IL1RAPL2: variants seen among roughly 807,000 people sequenced by gnomAD.
IL1RAPL2 encodes X-linked interleukin-1 receptor accessory protein-like 2.
A neutral mutation model predicts 44.1 loss-of-function variants in IL1RAPL2; 3 were observed. That is an observed-to-expected ratio of 0.07 (90% confidence interval 0.03 to 0.18). IL1RAPL2 has a LOEUF of 0.18. Among genes scored for constraint, IL1RAPL2 ranks in the 10% least tolerant of loss-of-function variants. The pLI, the probability that IL1RAPL2 is intolerant of heterozygous loss-of-function variation, is 1.00. For synonymous variants in IL1RAPL2, 181 were observed against 178.8 expected (o/e 1.01, Z -0.10); for missense variants, 391 against 496.4 (o/e 0.79, Z 2.02).
intron 2 of IL1RAPL2, among the ~76,000 whole-genome samples, chrX:105,158,252 G>A (rs1044149733): frequency 2.1e-4 from 23 of 111,713 alleles, no homozygotes; most frequent in African/African-American, 6.2e-4. Context: ...AGCTACTCAG[G>A]AGGCTAAGGC....
At chrX:104,610,931 T>C (rs1435030510) in intron 1 of IL1RAPL2, among the ~76,000 whole-genome samples, 2 of 111,715 alleles carry the variant, frequency 1.8e-5, no homozygotes, top group East Asian at 5.7e-4. Flanking sequence ...GCAGGTCTGT[T>C]GGAGTTTGCT....
chrX:104,704,431 C>T (rs2145182), intron 2 of IL1RAPL2, among the ~76,000 whole-genome samples: 37,108 of 110,040 alleles, frequency 0.34, 5,439 homozygotes, highest in East Asian at 0.46. Flanking sequence ...GACAGTGTTA[C>T]GAATGAATAA....
At position 104,731,358 on chromosome X, in the gene IL1RAPL2, C is replaced by T. The variant is rs930348117; in HGVS notation, c.82+72363C>T. ...AGGGTTTTTATGGTTTTAGGTCTAA[C>T]ATTTAAGTCTTTAATCCATCTTGAA... On this transcript the variant is annotated intron_variant, in intron 2 of 10. Transcript: ENST00000372582. 3.6e-5 allele frequency among the ~76,000 whole-genome samples: 4 copies of T among 110,657 alleles called. No individual in the cohort carries two copies. The East Asian group carries it at 1.1e-3, about 31-fold the overall frequency.
intron 1 of IL1RAPL2, among the ~76,000 whole-genome samples, chrX:104,636,119 G>C (rs1043958843): frequency 1.8e-5 from 2 of 112,088 alleles, no homozygotes; most frequent in Non-Finnish European, 3.8e-5. Context: ...TCCAGACCCT[G>C]TTTGCCTGGG....
At chrX:104,889,443 CT>C (rs1923351947) in intron 2 of IL1RAPL2, among the ~76,000 whole-genome samples, 1 of 111,795 alleles carries the variant, frequency 8.9e-6, no homozygotes. Flanking sequence ...ACTCACACAC[CT>C]TTTTAACATA....
intron 5 of IL1RAPL2, among the ~76,000 whole-genome samples, chrX:105,355,930 A>G (rs911692128): frequency 2.7e-5 from 3 of 111,206 alleles, no homozygotes; most frequent in East Asian, 5.6e-4. Flanking sequence ...AGGCTATACA[A>G]TCTAAGAAGT....
chrX:104,575,586 T>C (rs1027247368), intron 1 of IL1RAPL2, among the ~76,000 whole-genome samples: 10 of 111,512 alleles, frequency 9.0e-5, no homozygotes, highest in Non-Finnish European at 1.3e-4. Flanking sequence ...AGATGCTGCA[T>C]ATCTTGGCAT....
intron 3 of IL1RAPL2, among the ~76,000 whole-genome samples, chrX:105,214,520 A>G (rs1439246393): frequency 4.5e-5 from 5 of 110,946 alleles, no homozygotes; most frequent in Non-Finnish European, 7.5e-5. Flanking sequence ...TCCACACAGT[A>G]ATAGTGGGAG....
At chrX:105,046,085 G>T (rs1336945474) in intron 2 of IL1RAPL2, among the ~76,000 whole-genome samples, 1 of 111,130 alleles carries the variant, frequency 9.0e-6, no homozygotes, top group Non-Finnish European at 1.9e-5. Context: ...GATCCTCATA[G>T]ACTTCCTAGT....
chrX:104,638,240 G>T (rs1929865595), intron 1 of IL1RAPL2, among the ~76,000 whole-genome samples: 1 of 110,034 alleles, frequency 9.1e-6, no homozygotes, highest in Non-Finnish European at 1.9e-5. Flanking sequence ...TTATTCATTG[G>T]GTGTTCTATC....
Position 105,558,400 on chromosome X carries a change from T to A in IL1RAPL2, c.772+74013T>A, listed in dbSNP as rs12689171. Among the ~76,000 whole-genome samples the A allele has an allele frequency of 1.6e-3, 176 of 111,689 alleles. No individual in the cohort carries two copies. The East Asian group carries it at 0.031, about 19-fold the overall frequency. ...ACAGCAGAAGGCACATATCTCACAA[T>A]CTTCTTTTCCTACTATCTTCATTCC... On this transcript the variant is annotated intron_variant, in intron 6 of 10. Transcript: ENST00000372582.
intron 2 of IL1RAPL2, among the ~76,000 whole-genome samples, chrX:104,978,343 C>G (rs1303052320): frequency 9.0e-6 from 1 of 111,416 alleles, no homozygotes; most frequent in East Asian, 2.8e-4. Flanking sequence ...GGTAATATTT[C>G]TAAGTTGGTT....
chrX:105,467,670 C>T (rs1160288248), intron 5 of IL1RAPL2, among the ~76,000 whole-genome samples: 1 of 111,472 alleles, frequency 9.0e-6, no homozygotes, highest in Non-Finnish European at 1.9e-5. Context: ...CATCTGATTT[C>T]CATCCCAAAT....
At chrX:104,964,387 C>G (rs1336062145) in intron 2 of IL1RAPL2, among the ~76,000 whole-genome samples, 3 of 108,296 alleles carry the variant, frequency 2.8e-5, no homozygotes, top group Non-Finnish European at 5.7e-5. Context: ...TCTCGGCTCA[C>G]TGCAAGCTCC....
At chrX:105,677,994 T>A (rs1355920814) in intron 6 of IL1RAPL2, among the ~76,000 whole-genome samples, 1 of 111,992 alleles carries the variant, frequency 8.9e-6, no homozygotes, top group East Asian at 2.8e-4. Context: ...AGGGAGTTTA[T>A]GTGACCTCCT....
chrX:105,319,682 T>A (rs981602459), intron 5 of IL1RAPL2, among the ~76,000 whole-genome samples: 45 of 112,136 alleles, frequency 4.0e-4, no homozygotes, highest in African/African-American at 1.4e-3. Context: ...CTGTTTAGTA[T>A]TTGGTAATTT....
intron 2 of IL1RAPL2, among the ~76,000 whole-genome samples, chrX:105,052,441 A>G (rs2031940099): frequency 8.9e-6 from 1 of 112,015 alleles, no homozygotes; most frequent in Admixed American, 9.5e-5. Context: ...ATGGAACACA[A>G]GGGATATTGA....
intron 10 of IL1RAPL2, among the ~76,000 whole-genome samples, chrX:105,766,309 C>T (rs141452210): frequency 0.012 from 1,379 of 111,703 alleles, 13 homozygotes; most frequent in Non-Finnish European, 0.02. Flanking sequence ...GCACAAACCA[C>T]TTCCCTATCT....
At chrX:104,927,260 T>A (rs764788782) in intron 2 of IL1RAPL2, among the ~76,000 whole-genome samples, 1 of 111,496 alleles carries the variant, frequency 9.0e-6, no homozygotes, top group South Asian at 3.8e-4. Context: ...CAACTACATC[T>A]CCATCACTTC....
Sources: allele counts gnomAD v4.1 joint callset (sites outside exome capture counted in the v4.1 genomes callset), GRCh38; gene constraint gnomAD v4.1.1; transcripts MANE v1.5; gene names NCBI Gene and HGNC (gene_info 2026-07-23, HGNC 2026-07-21).